FSIP2: variants seen among roughly 807,000 people sequenced by gnomAD.
FSIP2 encodes the protein fibrous sheath interacting protein 2.
Under a neutral mutation model 510.5 loss-of-function variants are expected in FSIP2, and 367 were observed. The observed-to-expected ratio is 0.72, with a 90% CI of 0.66 to 0.78. FSIP2 has a LOEUF of 0.78. Ranked by LOEUF, FSIP2 falls within the 30% of genes least tolerant of loss-of-function variation. FSIP2 has a pLI of 0.00. For missense variants in FSIP2, 7,594 were observed against 7,901.7 expected, an observed-to-expected ratio of 0.96 and a Z score of 1.48; for synonymous variants, 2,601 against 2,732.2, an observed-to-expected ratio of 0.95 and a Z score of 1.50.
intron 10 of FSIP2, among the ~76,000 whole-genome samples, chr2:185,761,461 G>A (rs1191568391): frequency 6.6e-6 from 1 of 151,212 alleles, no homozygotes; most frequent in Non-Finnish European, 1.5e-5. Flanking sequence ...GGTAATATAA[G>A]ATAAAAAGAA....
intron 7 of FSIP2, among the ~76,000 whole-genome samples, chr2:185,753,084 T>C (rs1692180064): frequency 6.6e-6 from 1 of 151,284 alleles, no homozygotes; most frequent in African/African-American, 2.4e-5. Context: ...CTATGACTCA[T>C]GAGGTTTTTC....
chr2:185,787,774 TCAAA>T (rs1171682556), intron 15 of FSIP2, among the ~76,000 whole-genome samples: 3 of 151,722 alleles, frequency 2.0e-5, no homozygotes, highest in Non-Finnish European at 4.4e-5. Context: ...TGGCTCCAGC[TCAAA>T]CAAATTAATA....
chr2:185,815,061 A>G (rs2105669128), intron 18 of FSIP2, among the ~76,000 whole-genome samples: 1 of 152,204 alleles, frequency 6.6e-6, no homozygotes, highest in African/African-American at 2.4e-5. Context: ...TTTTGCCCTC[A>G]GTAATATATG....
chr2:185,796,377 T>C lies in FSIP2; in HGVS notation c.9241T>C (p.Tyr3081His). The C allele has an allele frequency of 6.5e-7, 1 of 1,533,848 alleles. No homozygotes were observed. Among genetic ancestry groups the C allele is most frequent in the South Asian group, 1.2e-5 (1 of 83,960 alleles). The change falls in exon 16 of 23, where the codon TAT (tyrosine) becomes CAT (histidine). Residue 3081 changes from tyrosine (Y) to histidine (H), a missense_variant. Tyr to His is a moderately conservative substitution (Grantham distance 83). Transcript: ENST00000424728. ...TTCATTCCATTCACAATTACTTACA[T>C]ATGCTGTTAATATCATCAGTGACAT... Reference protein sequence around the residue: ...VHSFHSQLLTYAVNIISDMLA... With the variant: ...VHSFHSQLLTHAVNIISDMLA...
chr2:185,794,171 A>C lies in FSIP2; in HGVS notation c.7035A>C (p.Gln2345His), dbSNP rs1433281338. The C allele has an allele frequency of 6.5e-7, 1 of 1,534,352 alleles. No homozygotes were observed. Among genetic ancestry groups the C allele is most frequent in the East Asian group, 2.4e-5 (1 of 40,866 alleles). The change falls in exon 16 of 23, where the codon CAA becomes CAC. Residue 2345 changes from glutamine (Q) to histidine (H), a missense_variant. Transcript: ENST00000424728. The stretch of plus-strand genomic sequence containing the variant: ...TTGGATCCACAATTCACCTATCGCA[A>C]GCTAGGCTTAAGACATATGCTGACG... ...EKLGSTIHLS[Q>H]ARLKTYADVI... is the part of the protein sequence containing the mutation.
intron 2 of FSIP2, among the ~76,000 whole-genome samples, chr2:185,740,939 C>A (rs895581037): frequency 7.1e-6 from 1 of 141,304 alleles, no homozygotes; most frequent in Non-Finnish European, 1.6e-5. Context: ...TTTCTTAAAA[C>A]AAGTTTTGTT....
rs1693079159 is a variant in FSIP2, at chr2:185,789,903, G to A, written c.2767G>A (p.Glu923Lys). 1.3e-6 allele frequency: 2 copies of A among 1,531,984 alleles called. No homozygotes were observed. The highest frequency in any genetic ancestry group is 1.4e-5 in the African/African-American group (1 of 72,948). The allele number at this position is 1,531,984 out of a possible 1,614,324, so 94.9% of individuals were successfully genotyped here. A position where few individuals can be genotyped will look rare whatever the true frequency, so the allele number is the denominator to read the frequency against. The change falls in exon 16 of 23, where the codon GAG becomes AAG. Residue 923 changes from glutamate (E) to lysine (K), a missense_variant. By Grantham distance (56) the Glu-to-Lys change is moderately conservative (BLOSUM62 1). Transcript: ENST00000424728. ...LGYIQTELNN[E>K]RIIASEETVV... ...TTATATACAAACTGAACTAAATAAT[G>A]AGAGAATTATTGCATCTGAAGAAAC...
At position 185,793,209 on chromosome 2, in the gene FSIP2, C is replaced by G. The variant is rs1217982383; in HGVS notation, c.6073C>G (p.Pro2025Ala). 3.3e-6 allele frequency: 5 copies of G among 1,533,618 alleles called. No homozygotes were observed. In the African/African-American group the frequency reaches 6.9e-5, roughly 21 times the overall value. The change falls in exon 16 of 23, where the codon CCT becomes GCT. Residue 2025 changes from proline (P) to alanine (A), a missense_variant. Transcript: ENST00000424728. ...KQELDKEREN[P>A]FLTHDIGISE... ...GGAATTAGATAAAGAAAGGGAAAAT[C>G]CTTTTTTAACTCATGACATTGGGAT... is the stretch of plus-strand genomic sequence containing the variant.
chr2:185,816,059 G>A (rs1693821344), intron 19 of FSIP2, among the ~76,000 whole-genome samples: 1 of 151,994 alleles, frequency 6.6e-6, no homozygotes. Flanking sequence ...CTGTAGACTT[G>A]AAATCTGATT....
chr2:185,821,836 G>A (rs1693925985), intron 19 of FSIP2, among the ~76,000 whole-genome samples: 1 of 151,500 alleles, frequency 6.6e-6, no homozygotes, highest in South Asian at 2.1e-4. Flanking sequence ...TGAGGCAGGT[G>A]GATTTATTGA....
chr2:185,808,562 A>C lies in FSIP2; in HGVS notation c.19256A>C (p.Tyr6419Ser). The C allele has an allele frequency of 6.2e-7, 1 of 1,612,628 alleles. No individual in the cohort carries two copies. Among genetic ancestry groups the C allele is most frequent in the South Asian group, 1.1e-5 (1 of 90,924 alleles). ...AATCCAGAAAATACAGAAAGGATTT[A>C]TCAGGTTGTCGATTCCGTTTATAGT... ...CLNPENTERI[Y>S]QVVDSVYSNI... Residue 6419 changes from tyrosine to serine, a missense_variant, in exon 17 of 23, where the codon TAT (tyrosine) becomes TCT (serine). Coordinates refer to ENST00000424728, the MANE Select transcript of FSIP2 (RefSeq NM_173651.4).
intron 17 of FSIP2, among the ~76,000 whole-genome samples, chr2:185,809,375 G>GT (rs1202416049): frequency 2.0e-5 from 3 of 151,266 alleles, no homozygotes; most frequent in South Asian, 4.2e-4. Flanking sequence ...CCTTTTGAAA[G>GT]TTTTTTTTTA....
chr2:185,762,994 G>C (rs1355253850), intron 11 of FSIP2, among the ~76,000 whole-genome samples, 189 bp from the exon 12 acceptor site: 1 of 151,480 alleles, frequency 6.6e-6, no homozygotes, highest in African/African-American at 2.4e-5. Context: ...TTTGTAGGCA[G>C]TAAACATCAA....
chr2:185,767,551 C>G (rs892978817), intron 13 of FSIP2, among the ~76,000 whole-genome samples: 7 of 152,018 alleles, frequency 4.6e-5, no homozygotes, highest in Non-Finnish European at 1.0e-4. Flanking sequence ...AGTCTTTCTG[C>G]ATTTAGCTTA....
intron 9 of FSIP2, among the ~76,000 whole-genome samples, chr2:185,758,465 A>G (rs1249822633): frequency 6.6e-6 from 1 of 151,410 alleles, no homozygotes; most frequent in African/African-American, 2.4e-5. Context: ...ATTATATACT[A>G]TAATCTTACA....
upstream of FSIP2, among the ~76,000 whole-genome samples, chr2:185,737,505 A>G (rs1691808098): frequency 6.6e-6 from 1 of 152,218 alleles, no homozygotes; most frequent in African/African-American, 2.4e-5. Flanking sequence ...GGGAGAGTAA[A>G]GTAGGAGTAG....
chr2:185,778,705 G>A (rs1461177258), intron 13 of FSIP2, among the ~76,000 whole-genome samples: 2 of 151,856 alleles, frequency 1.3e-5, no homozygotes, highest in Admixed American at 6.6e-5. Context: ...TGAAAACAAT[G>A]AATATTGCTC....
chr2:185,789,009 A>G lies in FSIP2; in HGVS notation c.1873A>G (p.Lys625Glu). Residue 625 changes from lysine (K) to glutamate (E), a missense_variant, in exon 16 of 23, where the codon AAA becomes GAA. Lys to Glu is a moderately conservative substitution (Grantham distance 56). Coordinates refer to ENST00000424728, the MANE Select transcript of FSIP2 (RefSeq NM_173651.4). ...CATAAAAGGACAATCTATAATCTCT[A>G]AACATAAATATAATAAAACCAACTT... is the stretch of plus-strand genomic sequence containing the variant. ...CHIKGQSIIS[K>E]HKYNKTNLLY... 1 of 1,534,064 alleles carries G rather than the reference A, an allele frequency of 6.5e-7. No individual in the cohort carries two copies. The highest frequency in any genetic ancestry group is 8.7e-7 in the Non-Finnish European group (1 of 1,145,428).
rs1445180631 is a variant in FSIP2 at position 185,808,092 on chromosome 2, G to A, written c.18786G>A (p.Lys6262=). 6 of 1,607,340 alleles carry A rather than the reference G, an allele frequency of 3.7e-6. No individual in the cohort carries two copies. The African/African-American group carries it at 6.7e-5, about 18-fold the overall frequency. ...IVNSIYTSVL[K]HSGSYTSVFK... ...ATTCTATTTATACCAGTGTTTTAAA[G>A]CACTCTGGCTCTTATACTTCTGTAT... is the stretch of plus-strand genomic sequence containing the variant. The change falls in exon 17 of 23, where the codon AAG becomes AAA. Residue 6262 remains lysine (K), a synonymous_variant. Coordinates refer to ENST00000424728, the MANE Select transcript of FSIP2 (RefSeq NM_173651.4).
Sources: gnomAD v4.1 joint callset for allele counts (sites outside exome capture counted in the v4.1 genomes callset) on GRCh38, gnomAD v4.1.1 for gene constraint, MANE v1.5 for transcripts, NCBI Gene and HGNC (gene_info 2026-07-23, HGNC 2026-07-21) for gene names.